Variants in NPAS3 observed in about 807,000 individuals in gnomAD.
NPAS3 encodes the protein neuronal PAS domain-containing protein 3.
NPAS3 carries 14 observed loss-of-function variants against 73.1 expected under a neutral mutation model. The observed-to-expected ratio is 0.19, with a 90% CI of 0.13 to 0.30. The LOEUF is 0.30. NPAS3 is among the 10% of genes least tolerant of loss of function. The pLI, the probability that NPAS3 is intolerant of heterozygous loss-of-function variation, is 1.00. For synonymous variants in NPAS3, 620 were observed against 541.5 expected, an observed-to-expected ratio of 1.14 and a Z score of -2.01; for missense variants, 1,096 against 1,250.0, an observed-to-expected ratio of 0.88 and a Z score of 1.86.
intron 5 of NPAS3, among the ~76,000 whole-genome samples, chr14:33,597,740 G>T (rs1019070639): frequency 3.9e-5 from 6 of 152,218 alleles, no homozygotes; most frequent in African/African-American, 1.4e-4. Context: ...GCCGGCACTG[G>T]CCTGTCCACC....
chr14:33,335,249 A>G (rs1023398861), intron 3 of NPAS3, among the ~76,000 whole-genome samples: 1 of 152,156 alleles, frequency 6.6e-6, no homozygotes, highest in East Asian at 1.9e-4. Flanking sequence ...AACTAAAAGT[A>G]GATTTACCAT....
intron 4 of NPAS3, among the ~76,000 whole-genome samples, chr14:33,388,291 C>T (rs1359623345): frequency 6.6e-6 from 1 of 151,500 alleles, no homozygotes; most frequent in African/African-American, 2.5e-5. Context: ...CATCCCCTGC[C>T]TTCAAGAAAC....
chr14:33,445,068 T>A (rs772048857), intron 4 of NPAS3, among the ~76,000 whole-genome samples: 5 of 152,260 alleles, frequency 3.3e-5, no homozygotes, highest in Admixed American at 6.5e-5. Flanking sequence ...CTCAGGTTGT[T>A]TACATTGTTT....
At chr14:33,555,516 T>C (rs922471543) in intron 4 of NPAS3, among the ~76,000 whole-genome samples, 3 of 152,166 alleles carry the variant, frequency 2.0e-5, no homozygotes, top group Admixed American at 6.5e-5. Flanking sequence ...TGATTCAAAA[T>C]TTAAAAAAAA....
At position 33,759,020 on chromosome 14, in the gene NPAS3, A is replaced by G. The variant is rs999260716; in HGVS notation, c.853-15317A>G. On this transcript the variant is annotated intron_variant, in intron 7 of 11. Transcript: ENST00000356141. Reference sequence around the variant, plus strand: ...GGAAAATCGGTCAATTAAAAATGATAAAATTGATTCGAAGGGTAGATAAAC... The same window carrying G: ...GGAAAATCGGTCAATTAAAAATGATGAAATTGATTCGAAGGGTAGATAAAC... 3.0e-4 allele frequency among the ~76,000 whole-genome samples: 45 copies of G among 152,378 alleles called. 1 individual carries two copies. Among genetic ancestry groups the G allele is most frequent in the African/African-American group, 1.0e-3 (42 of 41,592 alleles).
rs145278118 is a variant in NPAS3, at chr14:33,612,516, G to A, written c.558+52306G>A. On this transcript the variant is annotated intron_variant, in intron 5 of 11. Transcript: ENST00000356141. ...TTAAAATTAATCAAATTCTCCCTTG[G>A]AAGGAGTTTAGTTCCTCTGGCTTTA... The A allele has an allele frequency of 5.5e-4, 253 of 455,994 alleles. 2 individuals are homozygous for A. The highest frequency in any genetic ancestry group is 4.8e-3 in the African/African-American group (239 of 50,158). 28.2% of individuals were successfully genotyped at this position (455,994 alleles called of 1,614,324 possible).
At chr14:33,239,500 G>A (rs1414704861) in intron 3 of NPAS3, among the ~76,000 whole-genome samples, 2 of 151,786 alleles carry the variant, frequency 1.3e-5, no homozygotes, top group Non-Finnish European at 3.0e-5. Context: ...ACTCACAGTG[G>A]CCTGTGGGGT....
At chr14:33,165,040 GAC>G (rs780491992) in intron 2 of NPAS3, among the ~76,000 whole-genome samples, 9 of 152,124 alleles carry the variant, frequency 5.9e-5, no homozygotes, top group Non-Finnish European at 1.3e-4. Flanking sequence ...GTGTAAGAGA[GAC>G]AAGTTTAGCA....
intron 4 of NPAS3, among the ~76,000 whole-genome samples, chr14:33,439,740 G>T (rs2049152860): frequency 6.6e-6 from 1 of 152,202 alleles, no homozygotes; most frequent in Non-Finnish European, 1.5e-5. Flanking sequence ...GGTTAAGTTT[G>T]CTAGGTGCCT....
At chr14:33,583,955 A>G (rs946423374) in intron 5 of NPAS3, among the ~76,000 whole-genome samples, 1 of 152,168 alleles carries the variant, frequency 6.6e-6, no homozygotes, top group Admixed American at 6.5e-5. Context: ...TAGGGAGCCA[A>G]TGAATTTGGA....
At chr14:33,016,710 T>C (rs980992950) in intron 1 of NPAS3, among the ~76,000 whole-genome samples, 3 of 152,074 alleles carry the variant, frequency 2.0e-5, no homozygotes, top group Admixed American at 2.0e-4. Flanking sequence ...TGTGTTCATT[T>C]CTCTTTTATA....
At chr14:33,601,345 G>T (rs2057392983) in intron 5 of NPAS3, among the ~76,000 whole-genome samples, 1 of 152,208 alleles carries the variant, frequency 6.6e-6, no homozygotes, top group Admixed American at 6.5e-5. Context: ...TCCAACCTTA[G>T]TTTGATGAAT....
At position 33,578,017 on chromosome 14, in the gene NPAS3, A is replaced by G. The variant is rs76380395; in HGVS notation, c.558+17807A>G. On this transcript the variant is annotated intron_variant, in intron 5 of 11. Transcript: ENST00000356141. ...CTTGTGCCAATTTTGAACATACCCC[A>G]TTGAGTTTGGAATTTACTTCTGGGC... Among the ~76,000 whole-genome samples, 1,054 of 152,168 alleles carry G rather than the reference A, an allele frequency of 6.9e-3. 52 individuals carry two copies. The East Asian group carries it at 0.16, about 23-fold the overall frequency.
chr14:33,410,705 G>A (rs2047884442), intron 4 of NPAS3, among the ~76,000 whole-genome samples: 1 of 152,138 alleles, frequency 6.6e-6, no homozygotes, highest in Admixed American at 6.5e-5. Flanking sequence ...GAGTGCAATG[G>A]CACAATCTTG....
At chr14:33,377,818 A>G (rs117227502) in intron 4 of NPAS3, among the ~76,000 whole-genome samples, 1,700 of 152,290 alleles carry the variant, frequency 0.011, 12 homozygotes, top group Non-Finnish European at 0.016. Context: ...TCAAGTGGCC[A>G]GGTTCTAGAA....
chr14:33,798,973 T>C (rs1239646681), intron 11 of NPAS3, among the ~76,000 whole-genome samples: 1 of 37,176 alleles, frequency 2.7e-5, no homozygotes, highest in Non-Finnish European at 6.7e-5. Flanking sequence ...AGACCCTGTC[T>C]CTACAAAAAA....
At chr14:33,672,645 T>C (rs2059642122) in intron 5 of NPAS3, among the ~76,000 whole-genome samples, 1 of 151,966 alleles carries the variant, frequency 6.6e-6, no homozygotes, top group African/African-American at 2.4e-5. Flanking sequence ...GCACAGAATT[T>C]AGTAGCAGGA....
At chr14:33,758,468 T>C (rs997439713) in intron 7 of NPAS3, among the ~76,000 whole-genome samples, 1 of 152,196 alleles carries the variant, frequency 6.6e-6, no homozygotes, top group African/African-American at 2.4e-5. Flanking sequence ...CTGGACAAGC[T>C]GGCCCCATAG....
At chr14:33,302,601 T>C (rs1485812970) in intron 3 of NPAS3, among the ~76,000 whole-genome samples, 1 of 152,162 alleles carries the variant, frequency 6.6e-6, no homozygotes, top group Non-Finnish European at 1.5e-5. Context: ...AGGCATAAAA[T>C]AAAACATAGA....
Sources: gnomAD v4.1 joint callset for allele counts (sites outside exome capture counted in the v4.1 genomes callset) on GRCh38, gnomAD v4.1.1 for gene constraint, MANE v1.5 for transcripts, NCBI Gene and HGNC (gene_info 2026-07-23, HGNC 2026-07-21) for gene names.